Variants in DHRS7C observed in about 807,000 individuals in gnomAD.
The protein encoded by DHRS7C is dehydrogenase/reductase 7C, also known as dehydrogenase/reductase SDR family member 7C.
DHRS7C carries 28 observed loss-of-function variants against 29.6 expected under a neutral mutation model. The ratio of observed to expected loss-of-function variants is 0.95; its 90% CI spans 0.70 to 1.30. The LOEUF (loss-of-function observed/expected upper bound fraction) is 1.30, where lower values mean the gene tolerates loss of function less well. DHRS7C is among the 50% of genes most tolerant of loss of function. DHRS7C has a pLI of 0.00. For missense variants in DHRS7C, 403 were observed against 393.3 expected (o/e 1.02, Z -0.21); for synonymous variants, 158 against 160.2 (o/e 0.99, Z 0.10).
At chr17:9,789,072 A>G (rs984991684) in intron 1 of DHRS7C, among the ~76,000 whole-genome samples, 2 of 152,204 alleles carry the variant, frequency 1.3e-5, no homozygotes, top group Admixed American at 6.5e-5. Context: ...GAATGAGATG[A>G]TTAAAACAAA....
rs757096427 is a variant in DHRS7C, at chr17:9,779,906, C to A, written c.397G>T (p.Gly133Trp). ...LINNASVKVKGPAHKISLELD... is the reference protein window; with the variant it reads ...LINNASVKVKWPAHKISLELD... Reference sequence around the variant, plus strand: ...TCCAGAGAAATCTTATGGGCAGGCCCCTTCACCTTCACACTGGCATTGTTG... The same window carrying A: ...TCCAGAGAAATCTTATGGGCAGGCCACTTCACCTTCACACTGGCATTGTTG... Residue 133 changes from glycine (G) to tryptophan (W), a missense_variant, in exon 3 of 6, where the codon GGG (glycine) becomes TGG (tryptophan). Gly to Trp is a radical substitution (Grantham distance 184). Transcript: ENST00000571134. 2 of 1,613,870 alleles carry A rather than the reference C, an allele frequency of 1.2e-6. No individual in the cohort carries two copies. Among genetic ancestry groups the A allele is most frequent in the South Asian group, 2.2e-5 (2 of 91,034 alleles).
At chr17:9,784,474 A>C (rs1161008330) in intron 1 of DHRS7C, among the ~76,000 whole-genome samples, 1 of 152,160 alleles carries the variant, frequency 6.6e-6, no homozygotes, top group East Asian at 1.9e-4. Flanking sequence ...TCCATCTCAA[A>C]AAAACAAAAC....
intron 4 of DHRS7C, among the ~76,000 whole-genome samples, chr17:9,776,311 T>C (rs991475654): frequency 1.3e-4 from 20 of 152,308 alleles, no homozygotes; most frequent in Admixed American, 5.2e-4. Flanking sequence ...GGCAGCTGTC[T>C]GCAAGCCAGG....
chr17:9,780,787 T>G (rs2066389007), intron 2 of DHRS7C, among the ~76,000 whole-genome samples: 1 of 152,226 alleles, frequency 6.6e-6, no homozygotes, highest in South Asian at 2.1e-4. Flanking sequence ...AGTCCTGCAG[T>G]GAAGAAACTG....
At chr17:9,773,757 C>T (rs990788739) in intron 4 of DHRS7C, among the ~76,000 whole-genome samples, 1 of 133,948 alleles carries the variant, frequency 7.5e-6, no homozygotes, top group Non-Finnish European at 1.6e-5. Flanking sequence ...CGGCGTCTCA[C>T]TCTGTTGCCC....
At chr17:9,772,743 C>T (rs2066337937) in intron 5 of DHRS7C, 24 bp downstream of exon 5, 1 of 1,612,500 alleles carries the variant, frequency 6.2e-7, no homozygotes, top group South Asian at 1.1e-5. Context: ...CCCCAGGGGC[C>T]CCAGCTTCCC....
At chr17:9,784,933 G>T (rs1462916022) in intron 1 of DHRS7C, among the ~76,000 whole-genome samples, 1 of 152,168 alleles carries the variant, frequency 6.6e-6, no homozygotes, top group Non-Finnish European at 1.5e-5. Context: ...TTTTAAAAAA[G>T]ATTCAAAACA....
chr17:9,781,659 C>A, intron 1 of DHRS7C, 65 bp from the exon 2 acceptor site: 1 of 1,517,616 alleles, frequency 6.6e-7, no homozygotes, highest in Non-Finnish European at 9.1e-7. Flanking sequence ...AGTGAACCCC[C>A]TCTCTTGGGA....
rs1484424482 is a variant in DHRS7C at position 9,779,855 on chromosome 17, T to C, written c.448A>G (p.Asn150Asp). The stretch of plus-strand genomic sequence containing the variant: ...GTCAATGTGATGGGGCCAAAGTAAT[T>C]GGCATCCATGATCTTTTTGTCGAGC... ...LELDKKIMDANYFGPITLTKA... is the reference protein window; with the variant it reads ...LELDKKIMDADYFGPITLTKA... Residue 150 changes from asparagine to aspartate, a missense_variant, in exon 3 of 6, where the codon AAT (asparagine) becomes GAT (aspartate). By Grantham distance (23) the Asn-to-Asp change is conservative (BLOSUM62 1). Transcript: ENST00000571134. 3.1e-6 allele frequency: 5 copies of C among 1,613,544 alleles called. No individual in the cohort carries two copies. Among genetic ancestry groups the C allele is most frequent in the Non-Finnish European group, 3.4e-6 (4 of 1,179,742 alleles).
chr17:9,785,389 T>C (rs935926131), intron 1 of DHRS7C: 4 of 152,388 alleles, frequency 2.6e-5, no homozygotes, highest in African/African-American at 9.6e-5. Context: ...GGCAAGATCC[T>C]GGGCTCAGCC....
chr17:9,778,467 G>A (rs1158173983), intron 3 of DHRS7C, among the ~76,000 whole-genome samples: 1 of 151,600 alleles, frequency 6.6e-6, no homozygotes, highest in Admixed American at 6.6e-5. Context: ...CTAGGGACTA[G>A]ACCCAGGGTC....
chr17:9,772,711 G>A (rs1308475995), intron 5 of DHRS7C, 56 bp downstream of exon 5: 1 of 1,586,000 alleles, frequency 6.3e-7, no homozygotes, highest in Admixed American at 1.7e-5. Flanking sequence ...TCCCCCCAGT[G>A]ACACCGGACT....
At chr17:9,787,472 T>A (rs75939932) in intron 1 of DHRS7C, among the ~76,000 whole-genome samples, 1 of 152,080 alleles carries the variant, frequency 6.6e-6, no homozygotes, top group Non-Finnish European at 1.5e-5. Flanking sequence ...AGCCTAGAGG[T>A]GCTGCTCCTG....
At position 9,779,819 on chromosome 17, in the gene DHRS7C, C is replaced by T. The variant is rs373394687; in HGVS notation, c.478+6G>A. The T allele has an allele frequency of 3.2e-4, 519 of 1,608,852 alleles. 1 individual carries two copies. Among genetic ancestry groups the T allele is most frequent in the Middle Eastern group, 9.9e-4 (6 of 6,052 alleles). ...GATACCCATGGGAAAGTCAAACTCA[C>T]GAGACCTTTCGTCAATGTGATGGGG... On this transcript the variant is annotated splice_donor_region_variant and intron_variant, in intron 3 of 5. Coordinates refer to ENST00000571134, the MANE Select transcript of DHRS7C (RefSeq NM_001105571.3).
chr17:9,787,991 C>T (rs148222564), intron 1 of DHRS7C, among the ~76,000 whole-genome samples: 131 of 152,096 alleles, frequency 8.6e-4, no homozygotes, highest in African/African-American at 3.0e-3. Flanking sequence ...GGATTACAGG[C>T]GTGAGCCACA....
In DHRS7C at chr17:9,772,783, T is replaced by G. The variant is rs1347513095; in HGVS notation, c.711A>C (p.Glu237Asp). 1.2e-6 allele frequency: 2 copies of G among 1,613,892 alleles called. No individual in the cohort carries two copies. ...YHVYPEQGNWEASIWKFFFRK... is the reference protein window; with the variant it reads ...YHVYPEQGNWDASIWKFFFRK... The stretch of plus-strand genomic sequence containing the variant: ...AAGTCTCACATTTCCAAATGGAAGC[T>G]TCCCAGTTTCCTTGCTCTGGATACA... Residue 237 changes from glutamate (E) to aspartate (D), a missense_variant, in exon 5 of 6, where the codon GAA (glutamate) becomes GAC (aspartate). By Grantham distance (45) the Glu-to-Asp change is conservative. Coordinates refer to ENST00000571134, the MANE Select transcript of DHRS7C (RefSeq NM_001105571.3).
At chr17:9,784,383 A>G (rs2152017914) in intron 1 of DHRS7C, among the ~76,000 whole-genome samples, 1 of 152,218 alleles carries the variant, frequency 6.6e-6, no homozygotes, top group South Asian at 2.1e-4. Flanking sequence ...GAGGCAGGTG[A>G]ATGGCGTGAA....
rs76199532 is a variant in DHRS7C, at chr17:9,781,604, A to G, written c.155-10T>C. 1.3e-3 allele frequency: 2,018 copies of G among 1,612,956 alleles called. 30 individuals are homozygous for G. The African/African-American group carries it at 0.023, about 19-fold the overall frequency. On this transcript the variant is annotated splice_polypyrimidine_tract_variant and intron_variant, in intron 1 of 5. Transcript: ENST00000571134. ...AACACCCGAGCACACTCTGTGGGGA[A>G]GAAGGAAACAGGGCAGGGCACACTG... is the stretch of plus-strand genomic sequence containing the variant.
In DHRS7C at chr17:9,780,000, T is replaced by A. The variant is rs2066384671; in HGVS notation, c.303A>T (p.Ser101=). The A allele has an allele frequency of 6.2e-7, 1 of 1,613,768 alleles. No individual in the cohort carries two copies. Among genetic ancestry groups the A allele is most frequent in the African/African-American group, 1.3e-5 (1 of 74,916 alleles). Residue 101 remains serine (S), a synonymous_variant, in exon 3 of 6, where the codon TCA becomes TCT. Coordinates refer to ENST00000571134, the MANE Select transcript of DHRS7C (RefSeq NM_001105571.3). ...FTPKLVLLDL[S]DISCVPDVAK... is the part of the protein sequence containing the mutation. The stretch of plus-strand genomic sequence containing the variant: ...CCACATCTGGGACACAGCTGATGTC[T>A]GAGAGGTCCAACAGGACCAGCTTTG...
Sources: gnomAD v4.1 joint callset for allele counts (sites outside exome capture counted in the v4.1 genomes callset) on GRCh38, gnomAD v4.1.1 for gene constraint, MANE v1.5 for transcripts, NCBI Gene and HGNC (gene_info 2026-07-23, HGNC 2026-07-21) for gene names.